AEBP2: variants seen among roughly 807,000 people sequenced by gnomAD.
AEBP2 encodes zinc finger protein AEBP2.
Under a neutral mutation model 50.8 loss-of-function variants are expected in AEBP2, and 10 were observed. The ratio of observed to expected loss-of-function variants is 0.20; its 90% CI spans 0.12 to 0.33. The LOEUF is 0.33. AEBP2 is among the 10% of genes least tolerant of loss of function. The pLI, the probability that AEBP2 is intolerant of heterozygous loss-of-function variation, is 1.00. For synonymous variants in AEBP2, 296 were observed against 261.3 expected, an observed-to-expected ratio of 1.13 and a Z score of -1.28; for missense variants, 570 against 688.0, an observed-to-expected ratio of 0.83 and a Z score of 1.92.
chr12:19,451,758 C>T (rs888518246), intron 1 of AEBP2, among the ~76,000 whole-genome samples: 8 of 151,642 alleles, frequency 5.3e-5, no homozygotes, highest in African/African-American at 1.9e-4. Context: ...TGGCTGTTCA[C>T]AGGCACAGTC....
At chr12:19,502,603 G>T (rs1209178627) in intron 5 of AEBP2, among the ~76,000 whole-genome samples, 1 of 150,648 alleles carries the variant, frequency 6.6e-6, no homozygotes, top group Non-Finnish European at 1.5e-5. Flanking sequence ...TAGGTGTGCA[G>T]TTTTATTTCA....
At chr12:19,487,944 A>G (rs997043753) in intron 3 of AEBP2, among the ~76,000 whole-genome samples, 7 of 152,102 alleles carry the variant, frequency 4.6e-5, no homozygotes, top group African/African-American at 1.7e-4. Context: ...CGCAAGATGA[A>G]GTAAGGGTCA....
intron 2 of AEBP2, among the ~76,000 whole-genome samples, chr12:19,472,107 GT>G: frequency 6.6e-6 from 1 of 152,192 alleles, no homozygotes; most frequent in Non-Finnish European, 1.5e-5. Context: ...AGATGGTATT[GT>G]TTTTGAGTAA....
At chr12:19,468,491 A>G (rs1210749023) in intron 2 of AEBP2, among the ~76,000 whole-genome samples, 1 of 152,186 alleles carries the variant, frequency 6.6e-6, no homozygotes, top group Non-Finnish European at 1.5e-5. Flanking sequence ...ACTTACTCTG[A>G]CAGATTAACA....
chr12:19,487,577 G>A (rs1234218053), intron 3 of AEBP2, among the ~76,000 whole-genome samples: 2 of 152,088 alleles, frequency 1.3e-5, no homozygotes, highest in Admixed American at 6.6e-5. Context: ...AATTAGCCAA[G>A]TGTGGTGGCA....
chr12:19,430,532 C>T (rs568843092), intron 1 of AEBP2, among the ~76,000 whole-genome samples: 21 of 152,106 alleles, frequency 1.4e-4, no homozygotes, highest in Middle Eastern at 3.4e-3. Context: ...GGTAGCTTGA[C>T]GGGGATGGCA....
At chr12:19,470,215 T>C (rs1948549303) in intron 2 of AEBP2, among the ~76,000 whole-genome samples, 1 of 151,754 alleles carries the variant, frequency 6.6e-6, no homozygotes, top group Non-Finnish European at 1.5e-5. Flanking sequence ...TTGAGTGCAA[T>C]GGCGCAATCT....
At chr12:19,478,614 G>A (rs1326333275) in intron 3 of AEBP2, among the ~76,000 whole-genome samples, 1 of 152,108 alleles carries the variant, frequency 6.6e-6, no homozygotes, top group Non-Finnish European at 1.5e-5. Flanking sequence ...TTAATGCTAT[G>A]AACTTTTCCT....
At position 19,514,716 on chromosome 12, in the gene AEBP2, A is replaced by C; in HGVS notation, c.1413A>C (p.Lys471Asn). Residue 471 changes from lysine (K) to asparagine (N), a missense_variant, in exon 7 of 8, where the codon AAA becomes AAC. Coordinates refer to ENST00000266508, the MANE Select transcript of AEBP2 (RefSeq NM_153207.5). Reference sequence around the variant, plus strand: ...ATGAAAGTGAACGACATCAGTTAAAAACTAAAGTAGTTCATTTATCAAAGC... The same window carrying C: ...ATGAAAGTGAACGACATCAGTTAAACACTAAAGTAGTTCATTTATCAAAGC... ...WVNESERHQL[K>N]TKVVHLSKLP... The C allele has an allele frequency of 6.2e-7, 1 of 1,611,670 alleles. No individual in the cohort carries two copies. Among genetic ancestry groups the C allele is most frequent in the Non-Finnish European group, 8.5e-7 (1 of 1,179,002 alleles).
At chr12:19,485,682 CAGAG>C (rs370301903) in intron 3 of AEBP2, among the ~76,000 whole-genome samples, 6 of 123,262 alleles carry the variant, frequency 4.9e-5, no homozygotes, top group East Asian at 2.3e-4. Flanking sequence ...GCCTGGGTGA[CAGAG>C]AGAGAGAGAG....
chr12:19,519,900 TTAA>T lies in AEBP2; in HGVS notation c.*1787_*1789del, dbSNP rs1198397794. 8 of 152,578 alleles carry T rather than the reference TTAA, an allele frequency of 5.2e-5. No individual in the cohort carries two copies. The East Asian group carries it at 1.5e-3, about 29-fold the overall frequency. The allele number at this position is 152,578 out of a possible 1,614,324, so 9.5% of individuals were successfully genotyped here. On this transcript the variant is annotated 3_prime_UTR_variant, in exon 8 of 8. Coordinates refer to ENST00000266508, the MANE Select transcript of AEBP2 (RefSeq NM_153207.5). ...CTATAAGACATTCTGGAATGGTTGTTTAATAAGGGTATTATCCATTTGATCTAT... is the reference window on the plus strand; with the variant it reads ...CTATAAGACATTCTGGAATGGTTGTTTAAGGGTATTATCCATTTGATCTAT...
At chr12:19,416,471 T>C (rs907969955) in intron 1 of AEBP2, among the ~76,000 whole-genome samples, 9 of 152,212 alleles carry the variant, frequency 5.9e-5, no homozygotes, top group Non-Finnish European at 1.3e-4. Flanking sequence ...AGTGGCACCA[T>C]CTTGGCTCAC....
In AEBP2 at chr12:19,521,585, C is replaced by G. The variant is rs1360764716; in HGVS notation, c.*3468C>G. 6.6e-6 allele frequency: 1 copy of G among 151,926 alleles called. No individual in the cohort carries two copies. The highest frequency in any genetic ancestry group is 1.5e-5 in the Non-Finnish European group (1 of 67,958). 9.4% of individuals were successfully genotyped at this position (151,926 alleles called of 1,614,324 possible). On this transcript the variant is annotated 3_prime_UTR_variant, in exon 8 of 8. Coordinates refer to ENST00000266508, the MANE Select transcript of AEBP2 (RefSeq NM_153207.5). ...TACCTAAAGTGGACACATGTTACTT[C>G]TGAATTTCACATGAAAGGAAATTAA...
chr12:19,418,210 A>G (rs2095743671), intron 1 of AEBP2, among the ~76,000 whole-genome samples: 1 of 148,214 alleles, frequency 6.7e-6, no homozygotes, highest in African/African-American at 2.6e-5. Flanking sequence ...ACCCCTTTCT[A>G]TTGATTACAG....
chr12:19,435,811 C>T (rs191493551), upstream of AEBP2, among the ~76,000 whole-genome samples: 13 of 152,252 alleles, frequency 8.5e-5, no homozygotes, highest in East Asian at 1.2e-3. Context: ...TTGATTAACT[C>T]GGCCAAACAT....
intron 1 of AEBP2, among the ~76,000 whole-genome samples, chr12:19,447,677 G>A (rs1396814045): frequency 1.8e-5 from 1 of 56,876 alleles, no homozygotes; most frequent in Non-Finnish European, 3.4e-5. Flanking sequence ...TATTTACTTC[G>A]TAGAGTCATT....
At chr12:19,485,708 C>CCA (rs1555185811) in intron 3 of AEBP2, among the ~76,000 whole-genome samples, 2 of 124,776 alleles carry the variant, frequency 1.6e-5, no homozygotes, top group Non-Finnish European at 3.2e-5. Context: ...GACCCTGTCT[C>CCA]AAAAAAAAAA....
intron 1 of AEBP2, among the ~76,000 whole-genome samples, chr12:19,444,773 G>T (rs1289672494): frequency 6.6e-6 from 1 of 152,144 alleles, no homozygotes; most frequent in Non-Finnish European, 1.5e-5. Flanking sequence ...ATTTTGGAGG[G>T]CAGGGACATT....
chr12:19,462,686 G>A lies in AEBP2; in HGVS notation c.848G>A (p.Arg283His), dbSNP rs754732926. 2.5e-6 allele frequency: 4 copies of A among 1,613,328 alleles called. No individual in the cohort carries two copies. The highest frequency in any genetic ancestry group is 1.7e-5 in the Admixed American group (1 of 59,984). Reference sequence around the variant, plus strand: ...AGCCCAGATCTGGCAGATCACATCCGTTCCATACATGTAGATGGTCAGCGA... The same window carrying A: ...AGCCCAGATCTGGCAGATCACATCCATTCCATACATGTAGATGGTCAGCGA... ...NSSPDLADHI[R>H]SIHVDGQRGG... Residue 283 changes from arginine (R) to histidine (H), a missense_variant, in exon 2 of 8, where the codon CGT becomes CAT. Arg to His is a conservative substitution (Grantham distance 29). Around this residue, in one of 2 missense-constraint regions of AEBP2, gnomAD observed 184 missense variants for 351.2 expected, o/e 0.52. Transcript: ENST00000266508.
Sources: gnomAD v4.1 joint callset for allele counts (sites outside exome capture counted in the v4.1 genomes callset) on GRCh38, gnomAD v4.1.1 for gene constraint, gnomAD v4.1.1 regional missense constraint, MANE v1.5 for transcripts, NCBI Gene and HGNC (gene_info 2026-07-23, HGNC 2026-07-21) for gene names.